PLXDC2: variants seen among roughly 807,000 people sequenced by gnomAD.
PLXDC2 encodes the protein plexin domain containing 2.
Under a neutral mutation model 68.9 loss-of-function variants are expected in PLXDC2, and 40 were observed. The observed-to-expected ratio is 0.58, with a 90% confidence interval of 0.45 to 0.76. PLXDC2 has a LOEUF of 0.76. Among genes scored for constraint, PLXDC2 ranks in the 30% least tolerant of loss-of-function variants. The probability of loss-of-function intolerance (pLI) is 0.00; values close to 1 mark genes in which losing one functional copy is unlikely to be tolerated. For missense variants in PLXDC2, 644 were observed against 661.9 expected, an observed-to-expected ratio of 0.97 and a Z score of 0.30; for synonymous variants, 243 against 234.2, an observed-to-expected ratio of 1.04 and a Z score of -0.34.
chr10:20,022,424 G>A (rs1835328206), intron 2 of PLXDC2, among the ~76,000 whole-genome samples: 1 of 152,162 alleles, frequency 6.6e-6, no homozygotes, highest in Non-Finnish European at 1.5e-5. Context: ...GGCCTTCTAA[G>A]ATAGGATGAT....
chr10:20,141,736 C>T (rs1027424619), intron 4 of PLXDC2, among the ~76,000 whole-genome samples: 1 of 151,942 alleles, frequency 6.6e-6, no homozygotes, highest in Non-Finnish European at 1.5e-5. Context: ...AGGAGTATGA[C>T]TCTGAAAATC....
chr10:19,914,182 A>C (rs2131376100), intron 1 of PLXDC2, among the ~76,000 whole-genome samples: 1 of 151,898 alleles, frequency 6.6e-6, no homozygotes, highest in Non-Finnish European at 1.5e-5. Flanking sequence ...ATCAAGTGAA[A>C]TTACTTTGAG....
intron 7 of PLXDC2, among the ~76,000 whole-genome samples, chr10:20,172,931 A>G (rs1834468056): frequency 6.6e-6 from 1 of 152,172 alleles, no homozygotes; most frequent in South Asian, 2.1e-4. Flanking sequence ...TATTTCAGAG[A>G]ATTAGAACTA....
rs571037768 is a variant in PLXDC2 at position 19,940,740 on chromosome 10, A to G, written c.113-61035A>G. Among the ~76,000 whole-genome samples, 68 of 152,294 alleles carry G rather than the reference A, an allele frequency of 4.5e-4. 1 individual carries two copies. The South Asian group carries it at 0.014, about 31-fold the overall frequency. On this transcript the variant is annotated intron_variant, in intron 1 of 13. Transcript: ENST00000377252. ...TTTTGATATTTGAAAAGAATTTATGAGACAGAGAAGCAGTAGAATTAAATA... is the reference window on the plus strand; with the variant it reads ...TTTTGATATTTGAAAAGAATTTATGGGACAGAGAAGCAGTAGAATTAAATA...
At chr10:19,895,556 A>G (rs571444296) in intron 1 of PLXDC2, among the ~76,000 whole-genome samples, 70 of 152,254 alleles carry the variant, frequency 4.6e-4, no homozygotes, top group Non-Finnish European at 8.1e-4. Flanking sequence ...ATTTTCCATG[A>G]TTCTTCATTT....
chr10:20,183,796 G>A (rs1472663391), intron 9 of PLXDC2, among the ~76,000 whole-genome samples: 1 of 151,944 alleles, frequency 6.6e-6, no homozygotes, highest in Non-Finnish European at 1.5e-5. Flanking sequence ...ACTATCCACT[G>A]GGTTTTGTCA....
At chr10:19,987,724 G>T (rs1834669766) in intron 1 of PLXDC2, among the ~76,000 whole-genome samples, 2 of 151,340 alleles carry the variant, frequency 1.3e-5, no homozygotes, top group Admixed American at 1.3e-4. Context: ...ACCACCCCCG[G>T]CTATTTTTTT....
intron 2 of PLXDC2, among the ~76,000 whole-genome samples, chr10:20,022,399 G>A (rs1432363071): frequency 6.6e-6 from 1 of 152,186 alleles, no homozygotes; most frequent in Non-Finnish European, 1.5e-5. Flanking sequence ...TGGGGTGTTA[G>A]TGGAGGGTGA....
intron 2 of PLXDC2, among the ~76,000 whole-genome samples, chr10:20,045,883 C>G (rs1290477106): frequency 6.6e-6 from 1 of 151,968 alleles, no homozygotes; most frequent in Non-Finnish European, 1.5e-5. Context: ...CAGAATTAGC[C>G]AATAATTATA....
chr10:20,177,386 C>T lies in PLXDC2; in HGVS notation c.1038C>T (p.Cys346=), dbSNP rs1564343052. Residue 346 remains cysteine, a synonymous_variant, in exon 9 of 14, where the codon TGC becomes TGT. Transcript: ENST00000377252. ...PCVSSQIGFN[C]SWCSKLQRCS... ...TATCTTCTCAGATTGGCTTCAACTGCAGTTGGTGTAGTAAACTTCAAAGGT... is the reference window on the plus strand; with the variant it reads ...TATCTTCTCAGATTGGCTTCAACTGTAGTTGGTGTAGTAAACTTCAAAGGT... 1 of 1,582,668 alleles carries T rather than the reference C, an allele frequency of 6.3e-7. No individual in the cohort carries two copies. Among genetic ancestry groups the T allele is most frequent in the South Asian group, 1.1e-5 (1 of 90,096 alleles).
intron 4 of PLXDC2, among the ~76,000 whole-genome samples, chr10:20,108,721 TC>T (rs1226202545): frequency 1.3e-5 from 2 of 152,318 alleles, no homozygotes; most frequent in Non-Finnish European, 2.9e-5. Context: ...TTGATAGTTT[TC>T]CAAATTACCA....
intron 12 of PLXDC2, among the ~76,000 whole-genome samples, chr10:20,234,626 G>C (rs1327505985): frequency 6.7e-6 from 1 of 149,210 alleles, no homozygotes; most frequent in African/African-American, 2.5e-5. Context: ...AAGCTCTACC[G>C]AGCTGTTGTT....
At chr10:20,143,002 G>A (rs1834026583) in intron 4 of PLXDC2, among the ~76,000 whole-genome samples, 1 of 151,968 alleles carries the variant, frequency 6.6e-6, no homozygotes. Flanking sequence ...TACTGTATTA[G>A]CATTTTTAGC....
At chr10:20,074,138 T>A (rs145790097) in intron 4 of PLXDC2, among the ~76,000 whole-genome samples, 19 of 152,196 alleles carry the variant, frequency 1.2e-4, no homozygotes, top group African/African-American at 3.1e-4. Flanking sequence ...AAAGCAAAGG[T>A]GATATGAATT....
chr10:20,165,350 A>G (rs1834360342), intron 7 of PLXDC2, among the ~76,000 whole-genome samples: 1 of 152,004 alleles, frequency 6.6e-6, no homozygotes, highest in African/African-American at 2.4e-5. Flanking sequence ...ATATGTATAC[A>G]TGGTGCCACG....
chr10:20,199,151 A>T (rs1244375084), intron 9 of PLXDC2, among the ~76,000 whole-genome samples: 2 of 152,204 alleles, frequency 1.3e-5, no homozygotes, highest in East Asian at 1.9e-4. Flanking sequence ...AAATCTATTA[A>T]TGCAATTAGT....
At chr10:19,981,217 T>C (rs901731778) in intron 1 of PLXDC2, among the ~76,000 whole-genome samples, 4 of 152,248 alleles carry the variant, frequency 2.6e-5, no homozygotes, top group African/African-American at 9.6e-5. Context: ...TTTCTGTGTT[T>C]TAAATTTACT....
At chr10:19,856,842 C>A (rs1312358481) in intron 1 of PLXDC2, among the ~76,000 whole-genome samples, 1 of 152,096 alleles carries the variant, frequency 6.6e-6, no homozygotes, top group Non-Finnish European at 1.5e-5. Context: ...TTAATTGCAT[C>A]CTTGAAGATA....
rs532105830 is a variant in PLXDC2 at position 19,885,179 on chromosome 10, T to C, written c.112+67988T>C. ...TTGAGAAGTGCCTGTTCATGTCCTT[T>C]GCCCACTTTTTGATGGGGTTGTTTG... On this transcript the variant is annotated intron_variant, in intron 1 of 13. Coordinates refer to ENST00000377252, the MANE Select transcript of PLXDC2 (RefSeq NM_032812.9). 9.2e-5 allele frequency among the ~76,000 whole-genome samples: 14 copies of C among 152,224 alleles called. No homozygotes were observed. The South Asian group carries it at 1.7e-3, about 18-fold the overall frequency.
Sources: gnomAD v4.1 joint callset for allele counts (sites outside exome capture counted in the v4.1 genomes callset) on GRCh38, gnomAD v4.1.1 for gene constraint, MANE v1.5 for transcripts, NCBI Gene and HGNC (gene_info 2026-07-23, HGNC 2026-07-21) for gene names.